RIMS2: variants seen among roughly 807,000 people sequenced by gnomAD.
RIMS2 encodes regulating synaptic membrane exocytosis protein 2.
A neutral mutation model predicts 174.4 loss-of-function variants in RIMS2; 59 were observed. The ratio of observed to expected loss-of-function variants is 0.34; its 90% CI spans 0.27 to 0.42. The LOEUF (loss-of-function observed/expected upper bound fraction) is 0.42. RIMS2 is among the 10% of genes least tolerant of loss of function. RIMS2 has a pLI of 1.00. For missense variants in RIMS2, 1,620 were observed against 1,666.3 expected (o/e 0.97, Z 0.48); for synonymous variants, 606 against 572.5 (o/e 1.06, Z -0.84).
intron 3 of RIMS2, among the ~76,000 whole-genome samples, chr8:103,866,069 A>G (rs1322983199): frequency 1.3e-5 from 2 of 152,156 alleles, no homozygotes. Flanking sequence ...GAATTTATAA[A>G]CTTTCTTAGA....
chr8:104,162,363 TC>T (rs2098768186), intron 19 of RIMS2, among the ~76,000 whole-genome samples: 1 of 152,098 alleles, frequency 6.6e-6, no homozygotes, highest in South Asian at 2.1e-4. Context: ...AAGCTTTTTT[TC>T]TAATATAAAA....
intron 19 of RIMS2, among the ~76,000 whole-genome samples, chr8:104,054,114 C>T (rs1433927435): frequency 2.0e-5 from 3 of 152,162 alleles, no homozygotes; most frequent in African/African-American, 7.2e-5. Context: ...GGTCCAGTTT[C>T]TCCTAGTCTG....
At chr8:103,842,089 G>A (rs115483525) in intron 3 of RIMS2, among the ~76,000 whole-genome samples, 22 of 152,128 alleles carry the variant, frequency 1.4e-4, no homozygotes, top group African/African-American at 4.8e-4. Context: ...ATATGTATGA[G>A]ATTATGGTAA....
intron 1 of RIMS2, among the ~76,000 whole-genome samples, chr8:103,659,638 G>A (rs1440826975): frequency 6.6e-6 from 1 of 152,154 alleles, no homozygotes; most frequent in African/African-American, 2.4e-5. Flanking sequence ...TTCCTAACCA[G>A]GAGCACCCCC....
chr8:104,192,634 G>T (rs1043473521), intron 19 of RIMS2, among the ~76,000 whole-genome samples: 3 of 152,090 alleles, frequency 2.0e-5, no homozygotes, highest in Non-Finnish European at 4.4e-5. Context: ...TGAAATGTAA[G>T]AACTTGTCTT....
intron 19 of RIMS2, among the ~76,000 whole-genome samples, chr8:104,066,673 C>T (rs1160730829): frequency 6.6e-6 from 1 of 152,110 alleles, no homozygotes; most frequent in African/African-American, 2.4e-5. Flanking sequence ...GAGGCACTCA[C>T]CTGGTTTTAT....
intron 3 of RIMS2, among the ~76,000 whole-genome samples, chr8:103,783,604 T>G (rs1416455198): frequency 2.6e-5 from 4 of 152,042 alleles, no homozygotes; most frequent in Admixed American, 1.3e-4. Context: ...AACTCATCAT[T>G]TTTTATGGCT....
At chr8:103,689,224 A>C (rs1465952376) in intron 1 of RIMS2, among the ~76,000 whole-genome samples, 3 of 152,114 alleles carry the variant, frequency 2.0e-5, no homozygotes, top group Admixed American at 6.5e-5. Context: ...GATACTTGAT[A>C]TAATTTTATT....
At chr8:103,630,667 C>T (rs1029103058) in intron 1 of RIMS2, among the ~76,000 whole-genome samples, 1 of 150,982 alleles carries the variant, frequency 6.6e-6, no homozygotes, top group Admixed American at 6.6e-5. Context: ...AAGTCACACA[C>T]ACACAAACAC....
chr8:103,875,944 T>C (rs888732015), intron 3 of RIMS2, among the ~76,000 whole-genome samples: 4 of 151,808 alleles, frequency 2.6e-5, no homozygotes, highest in African/African-American at 9.7e-5. Context: ...TTTGTCTACT[T>C]TTAGTGGGAT....
chr8:104,162,504 A>G (rs2098769357), intron 19 of RIMS2, among the ~76,000 whole-genome samples: 1 of 152,206 alleles, frequency 6.6e-6, no homozygotes, highest in African/African-American at 2.4e-5. Context: ...GAAAACTAAA[A>G]TGCAGTTTCA....
chr8:104,236,365 C>A (rs1402706547), intron 19 of RIMS2, among the ~76,000 whole-genome samples: 1 of 151,952 alleles, frequency 6.6e-6, no homozygotes, highest in Non-Finnish European at 1.5e-5. Context: ...TAAAAATTAT[C>A]CAATAATTGT....
At chr8:104,153,674 T>C (rs1194297701) in intron 19 of RIMS2, among the ~76,000 whole-genome samples, 1 of 152,076 alleles carries the variant, frequency 6.6e-6, no homozygotes, top group Non-Finnish European at 1.5e-5. Context: ...TGGATAAGAT[T>C]ATATATGGTA....
At chr8:104,179,048 A>G (rs2098923926) in intron 19 of RIMS2, among the ~76,000 whole-genome samples, 1 of 152,142 alleles carries the variant, frequency 6.6e-6, no homozygotes, top group South Asian at 2.1e-4. Context: ...ATTCCTAGAC[A>G]TTATCTGAAC....
intron 14 of RIMS2, among the ~76,000 whole-genome samples, chr8:103,944,583 A>T (rs1019848394): frequency 6.6e-6 from 1 of 152,056 alleles, no homozygotes; most frequent in Non-Finnish European, 1.5e-5. Context: ...CTACTTAGGG[A>T]TAGTGGATAT....
chr8:104,189,316 T>C (rs1036954316), intron 19 of RIMS2, among the ~76,000 whole-genome samples: 2 of 151,876 alleles, frequency 1.3e-5, no homozygotes, highest in South Asian at 2.1e-4. Flanking sequence ...TTCCACCACC[T>C]ACAAACACAG....
chr8:103,866,230 G>T (rs2099083789), intron 3 of RIMS2, among the ~76,000 whole-genome samples: 1 of 152,240 alleles, frequency 6.6e-6, no homozygotes, highest in Middle Eastern at 3.4e-3. Context: ...CCTTCATAAT[G>T]TAGCAGCAGA....
chr8:104,104,562 T>C (rs1276232069), intron 19 of RIMS2, among the ~76,000 whole-genome samples: 1 of 152,150 alleles, frequency 6.6e-6, no homozygotes, highest in East Asian at 1.9e-4. Context: ...ATTGGAAAAT[T>C]ATATGATATA....
chr8:103,898,708 CT>C (rs1410222967), intron 4 of RIMS2, among the ~76,000 whole-genome samples: 7 of 150,990 alleles, frequency 4.6e-5, no homozygotes, highest in Non-Finnish European at 7.4e-5. Flanking sequence ...TATGGTAGTT[CT>C]TTTTGTTTGT....
Sources: allele counts gnomAD v4.1 joint callset (sites outside exome capture counted in the v4.1 genomes callset), GRCh38; gene constraint gnomAD v4.1.1; transcripts MANE v1.5; gene names NCBI Gene and HGNC (gene_info 2026-07-23, HGNC 2026-07-21).